The following MDGA1 variants were observed in gnomAD, a reference collection of about 807,000 sequenced individuals.
The protein encoded by MDGA1 is MAM domain-containing glycosylphosphatidylinositol anchor protein 1.
A neutral mutation model predicts 101.5 loss-of-function variants in MDGA1; 54 were observed. That is an observed-to-expected ratio of 0.53 (90% CI 0.43 to 0.67). The LOEUF is 0.67. Among genes scored for constraint, MDGA1 ranks in the 30% least tolerant of loss-of-function variants. The pLI, the probability that MDGA1 is intolerant of heterozygous loss-of-function variation, is 0.00. For missense variants in MDGA1, 1,083 were observed against 1,323.8 expected (o/e 0.82, Z 2.82); for synonymous variants, 533 against 558.3 (o/e 0.95, Z 0.64).
chr6:37,678,843 T>C (rs1762036035), intron 1 of MDGA1, among the ~76,000 whole-genome samples: 1 of 151,802 alleles, frequency 6.6e-6, no homozygotes, highest in Non-Finnish European at 1.5e-5. Context: ...GCTATGCATG[T>C]TCGTAACACT....
In MDGA1 at chr6:37,633,006, C is replaced by G. The variant is rs1437347250; in HGVS notation, c.*4362G>C. 1 of 152,232 alleles carries G rather than the reference C, an allele frequency of 6.6e-6. No individual in the cohort carries two copies. Among genetic ancestry groups the G allele is most frequent in the African/African-American group, 2.4e-5 (1 of 41,328 alleles). 9.4% of individuals were successfully genotyped at this position (152,232 alleles called of 1,614,324 possible). On this transcript the variant is annotated 3_prime_UTR_variant, in exon 17 of 17. Coordinates refer to ENST00000434837, the MANE Select transcript of MDGA1 (RefSeq NM_153487.4). ...GGCCAGGAAGGAGGGCAGTCCTATC[C>G]TAGGAGGGTCCCTGGGAAATGAGTG...
chr6:37,670,150 T>C (rs553454029), intron 1 of MDGA1, among the ~76,000 whole-genome samples: 75 of 152,308 alleles, frequency 4.9e-4, no homozygotes, highest in South Asian at 2.3e-3. Context: ...AGAACAATGA[T>C]GCCTTCTCCC....
chr6:37,670,105 C>G (rs570869253), intron 1 of MDGA1, among the ~76,000 whole-genome samples: 3 of 152,306 alleles, frequency 2.0e-5, no homozygotes, highest in African/African-American at 7.2e-5. Flanking sequence ...AATTACTTAA[C>G]CTCTCTGAGC....
rs1000182780 is a variant in MDGA1, at chr6:37,638,445, C to G, written c.2667+92G>C. On this transcript the variant is annotated intron_variant, in intron 15 of 16. Coordinates refer to ENST00000434837, the MANE Select transcript of MDGA1 (RefSeq NM_153487.4). This position sits in a 1 kb window ranked among gnomAD's most constrained non-coding sequence, Gnocchi z 4.8. Reference sequence around the variant, plus strand: ...CTAACCTGACTCTTTCCATCCTTAGCCCCCAGGAAGAAGGACAAGGTTTTC... The same window carrying G: ...CTAACCTGACTCTTTCCATCCTTAGGCCCCAGGAAGAAGGACAAGGTTTTC... 1.9e-6 allele frequency: 3 copies of G among 1,576,038 alleles called. No individual in the cohort carries two copies. The African/African-American group carries it at 4.0e-5, about 21-fold the overall frequency.
At chr6:37,649,638 T>C (rs1037665093) in intron 8 of MDGA1, among the ~76,000 whole-genome samples, 1 of 152,134 alleles carries the variant, frequency 6.6e-6, no homozygotes, top group Non-Finnish European at 1.5e-5. Context: ...CTGTGAGACT[T>C]TAGGCAAGTT....
intron 1 of MDGA1, among the ~76,000 whole-genome samples, chr6:37,689,725 C>A (rs1561865411): frequency 1.3e-5 from 2 of 152,302 alleles, no homozygotes; most frequent in South Asian, 2.1e-4. Flanking sequence ...AACCTGTTAT[C>A]ACTGTGTGCC....
chr6:37,646,109 C>G (rs1293223800), intron 11 of MDGA1, 89 bp downstream of exon 11: 22 of 1,557,430 alleles, frequency 1.4e-5, no homozygotes, highest in Admixed American at 3.8e-5. Context: ...GGTGGGGAAC[C>G]CCAAGCTTAG....
In MDGA1 at chr6:37,655,734, T is replaced by C. The variant is rs755540440; in HGVS notation, c.545A>G (p.Asn182Ser). Residue 182 changes from asparagine (N) to serine (S), a missense_variant, in exon 4 of 17, where the codon AAT becomes AGT. Physicochemically the swap from Asn to Ser is conservative, Grantham distance 46. This residue lies in a region of MDGA1 where 310 missense variants were observed against 355.9 expected (regional missense o/e 0.87). Coordinates refer to ENST00000434837, the MANE Select transcript of MDGA1 (RefSeq NM_153487.4). The surrounding 1 kb of genome is among the most constrained non-coding windows in gnomAD (Gnocchi z 5.1). ...GSDTLSHSQD[N>S]GVDIYEPLYT... ...GAGGGGCTCATAGATGTCAACCCCA[T>C]TGTCCTGGCTGTGGGATAGGGTATC... 5.0e-6 allele frequency: 8 copies of C among 1,612,762 alleles called. No individual in the cohort carries two copies. The highest frequency in any genetic ancestry group is 5.9e-6 in the Non-Finnish European group (7 of 1,179,356).
At position 37,647,161 on chromosome 6, in the gene MDGA1, C is replaced by T. The variant is rs1256289945; in HGVS notation, c.2046+12G>A. On this transcript the variant is annotated intron_variant, in intron 10 of 16. Transcript: ENST00000434837. ...CCACCTGCCCCCAGGCCCCCGCTCC[C>T]CCTTGGCCCACCTGGCGGATGCTGA... The T allele has an allele frequency of 1.3e-6, 2 of 1,588,646 alleles. No individual in the cohort carries two copies. The highest frequency in any genetic ancestry group is 4.6e-5 in the East Asian group (2 of 43,810).
chr6:37,655,141 G>A lies in MDGA1; in HGVS notation c.580-209C>T. 1 of 613,884 alleles carries A rather than the reference G, an allele frequency of 1.6e-6. No homozygotes were observed. Among genetic ancestry groups the A allele is most frequent in the Non-Finnish European group, 2.8e-6 (1 of 354,732 alleles). 38.0% of individuals were successfully genotyped at this position (613,884 alleles called of 1,614,324 possible). A position where few individuals can be genotyped will look rare whatever the true frequency, so the allele number is the denominator to read the frequency against. On this transcript the variant is annotated intron_variant, in intron 4 of 16. Coordinates refer to ENST00000434837, the MANE Select transcript of MDGA1 (RefSeq NM_153487.4). This position sits in a 1 kb window ranked among gnomAD's most constrained non-coding sequence, Gnocchi z 5.1. ...ATAGCCTTGGCAGTGCCTCATCATG[G>A]GATTCTCTGGGTCTGAGGTTGCCCT... is the stretch of plus-strand genomic sequence containing the variant.
rs1738454 is a variant in MDGA1, at chr6:37,634,565, T to C, written c.*2803A>G. On this transcript the variant is annotated 3_prime_UTR_variant, in exon 17 of 17. Coordinates refer to ENST00000434837, the MANE Select transcript of MDGA1 (RefSeq NM_153487.4). The surrounding 1 kb of genome is among the most constrained non-coding windows in gnomAD (Gnocchi z 4.7). ...AGAGACCAGCACATGCCTAGACATTTACAGTGCCCACTGGCATACACTGAC... is the reference window on the plus strand; with the variant it reads ...AGAGACCAGCACATGCCTAGACATTCACAGTGCCCACTGGCATACACTGAC... 142,293 of 152,788 alleles carry C rather than the reference T, an allele frequency of 0.93. 66,361 individuals carry two copies. Among genetic ancestry groups the C allele is most frequent in the East Asian group, 1 (5,178 of 5,194 alleles). 9.5% of individuals were successfully genotyped at this position (152,788 alleles called of 1,614,324 possible).
intron 7 of MDGA1, among the ~76,000 whole-genome samples, 187 bp from the exon 8 acceptor site, chr6:37,650,592 G>C (rs905042500): frequency 6.6e-6 from 1 of 152,120 alleles, no homozygotes; most frequent in Non-Finnish European, 1.5e-5. Flanking sequence ...CATCTCCTGG[G>C]TCTCCACCTC....
Position 37,633,211 on chromosome 6 carries a change from G to C in MDGA1, c.*4157C>G, listed in dbSNP as rs1010022707. 1 of 151,816 alleles carries C rather than the reference G, an allele frequency of 6.6e-6. No individual in the cohort carries two copies. The highest frequency in any genetic ancestry group is 1.5e-5 in the Non-Finnish European group (1 of 68,142). 9.4% of individuals were successfully genotyped at this position (151,816 alleles called of 1,614,324 possible). A position where few individuals can be genotyped will look rare whatever the true frequency, so the allele number is the denominator to read the frequency against. On this transcript the variant is annotated 3_prime_UTR_variant, in exon 17 of 17. Coordinates refer to ENST00000434837, the MANE Select transcript of MDGA1 (RefSeq NM_153487.4). The stretch of plus-strand genomic sequence containing the variant: ...CACACACACACACACACAAACACAC[G>C]CACACTCCACACATCACACACATTC...
Position 37,650,181 on chromosome 6 carries a change from G to T in MDGA1, c.1537C>A (p.Arg513Ser), listed in dbSNP as rs546191944. The T allele has an allele frequency of 1.2e-6, 2 of 1,612,776 alleles. No homozygotes were observed. The highest frequency in any genetic ancestry group is 2.7e-5 in the African/African-American group (2 of 74,924). Residue 513 changes from arginine to serine, a missense_variant, in exon 8 of 17, where the codon CGC (arginine) becomes AGC (serine). By Grantham distance (110) the Arg-to-Ser change is moderately radical. Coordinates refer to ENST00000434837, the MANE Select transcript of MDGA1 (RefSeq NM_153487.4). ...RVSRDMSGTY[R>S]CQTARYNGFN... ...CCATTATAGCGGGCCGTCTGGCAGC[G>T]GTAGGTCCCGCTCATGTCTCGGCTC...
chr6:37,649,295 C>T, intron 8 of MDGA1, 29 bp from the exon 9 acceptor site: 1 of 1,456,676 alleles, frequency 6.9e-7, no homozygotes, highest in Non-Finnish European at 9.0e-7. Flanking sequence ...GTCAGCGGGG[C>T]CTCTCCCCAG....
At chr6:37,692,679 C>T (rs1319094512) in intron 1 of MDGA1, among the ~76,000 whole-genome samples, 2 of 152,010 alleles carry the variant, frequency 1.3e-5, no homozygotes, top group East Asian at 1.9e-4. Context: ...AGATTCCACC[C>T]CCCTTCCCCC....
chr6:37,669,254 C>T (rs1005027916), intron 1 of MDGA1, among the ~76,000 whole-genome samples: 2 of 152,182 alleles, frequency 1.3e-5, no homozygotes, highest in East Asian at 3.8e-4. Flanking sequence ...AAAAACACAT[C>T]AAGGTATCTG....
rs1763934541 is a variant in MDGA1 at position 37,636,575 on chromosome 6, T to A, written c.*793A>T. The A allele has an allele frequency of 6.6e-6, 1 of 152,392 alleles. No homozygotes were observed. Among genetic ancestry groups the A allele is most frequent in the Admixed American group, 6.5e-5 (1 of 15,280 alleles). The allele number at this position is 152,392 out of a possible 1,614,324, so 9.4% of individuals were successfully genotyped here. On this transcript the variant is annotated 3_prime_UTR_variant, in exon 17 of 17. Coordinates refer to ENST00000434837, the MANE Select transcript of MDGA1 (RefSeq NM_153487.4). ...GGGCTGAGGCTAGGAGAGAACCGTG[T>A]TCTCAGGAGTCCCACTGCTTGTAGG...
intron 9 of MDGA1, chr6:37,648,752 C>T (rs961684304): frequency 5.3e-6 from 4 of 748,572 alleles, no homozygotes; most frequent in Non-Finnish European, 8.1e-6. Context: ...GGGCGTGGCC[C>T]GCACCTGGAG....
Sources: gnomAD v4.1 joint callset for allele counts (sites outside exome capture counted in the v4.1 genomes callset) on GRCh38, gnomAD v4.1.1 for gene constraint, gnomAD v4.1.1 regional missense constraint, Gnocchi (gnomAD v3.1) non-coding constraint, MANE v1.5 for transcripts, NCBI Gene and HGNC (gene_info 2026-07-23, HGNC 2026-07-21) for gene names.